CALN1: variants seen among roughly 807,000 people sequenced by gnomAD.
The protein encoded by CALN1 is calcium-binding protein 8.
CALN1 carries 17 observed loss-of-function variants against 30.6 expected under a neutral mutation model. The ratio of observed to expected loss-of-function variants is 0.56; its 90% CI spans 0.38 to 0.83. CALN1 has a LOEUF of 0.83. CALN1 is among the 40% of genes least tolerant of loss of function. CALN1 has a pLI of 0.00. For synonymous variants in CALN1, 156 were observed against 131.4 expected (o/e 1.19, Z -1.28); for missense variants, 291 against 354.9 (o/e 0.82, Z 1.45).
rs74567986 is a variant in CALN1 at position 72,180,177 on chromosome 7, A to G, written c.245-73883T>C. Among the ~76,000 whole-genome samples the G allele has an allele frequency of 4.4e-3, 666 of 152,236 alleles. 5 individuals carry two copies. Among genetic ancestry groups the G allele is most frequent in the African/African-American group, 0.015 (621 of 41,528 alleles). On this transcript the variant is annotated intron_variant, in intron 3 of 6. Transcript: ENST00000395275. ...CATTTAGTTTGTTCCTCTGTCCCTC[A>G]TATTTCCTGCAAATGGAAGTTGGCC... is the stretch of plus-strand genomic sequence containing the variant.
chr7:72,248,152 T>C (rs941050293), intron 3 of CALN1, among the ~76,000 whole-genome samples: 5 of 152,210 alleles, frequency 3.3e-5, no homozygotes, highest in African/African-American at 1.2e-4. Flanking sequence ...TTTGCTTTTG[T>C]CACCCAGGCT....
At chr7:72,296,331 G>T (rs1798852621) in intron 2 of CALN1, among the ~76,000 whole-genome samples, 1 of 138,200 alleles carries the variant, frequency 7.2e-6, no homozygotes, top group East Asian at 2.1e-4. Flanking sequence ...TCTCTTTTTT[G>T]GTTGTGTCTC....
intron 3 of CALN1, among the ~76,000 whole-genome samples, chr7:72,151,117 C>A (rs1458069959): frequency 1.3e-5 from 2 of 152,146 alleles, no homozygotes; most frequent in African/African-American, 4.8e-5. Flanking sequence ...TAACAAAGGA[C>A]CACAGGCCAG....
intron 5 of CALN1, among the ~76,000 whole-genome samples, chr7:71,907,422 G>A (rs1562889984): frequency 6.6e-6 from 1 of 152,156 alleles, no homozygotes; most frequent in East Asian, 1.9e-4. Context: ...CGTTTGCAAA[G>A]GTCAGTGATT....
intron 2 of CALN1, among the ~76,000 whole-genome samples, chr7:72,345,722 T>C (rs978068234): frequency 5.9e-5 from 9 of 152,142 alleles, no homozygotes; most frequent in South Asian, 2.1e-4. Flanking sequence ...AAATACTACA[T>C]GCATTAAGAT....
the CALN1 span, among the ~76,000 whole-genome samples, chr7:72,465,932 C>T: frequency 6.6e-6 from 1 of 152,128 alleles, no homozygotes; most frequent in Non-Finnish European, 1.5e-5. Context: ...GGGTGTGGGA[C>T]ACCCCCACCA....
At chr7:71,915,603 G>T (rs1794648903) in intron 5 of CALN1, among the ~76,000 whole-genome samples, 1 of 152,126 alleles carries the variant, frequency 6.6e-6, no homozygotes, top group South Asian at 2.1e-4. Flanking sequence ...GCATGGTGGT[G>T]CATGCCTGTA....
upstream of CALN1, among the ~76,000 whole-genome samples, chr7:72,450,195 G>A (rs1253628059): frequency 3.3e-5 from 5 of 152,162 alleles, no homozygotes; most frequent in Admixed American, 3.3e-4. Flanking sequence ...AACAGAGTAA[G>A]CTCTTGTCTT....
chr7:72,287,842 T>TCA lies in CALN1; in HGVS notation c.120-9034_120-9033dup, dbSNP rs568798021. The stretch of plus-strand genomic sequence containing the variant: ...AATGAATACCCCCATGTGTGTCTCT[T>TCA]CATATATATTTGCAGGAATTTCTCT... On this transcript the variant is annotated intron_variant, in intron 2 of 6. Transcript: ENST00000395275. 3.3e-5 allele frequency among the ~76,000 whole-genome samples: 5 copies of TCA among 152,292 alleles called. No individual in the cohort carries two copies. The South Asian group carries it at 1.0e-3, about 32-fold the overall frequency.
At chr7:72,273,794 T>C (rs1039487641) in intron 3 of CALN1, among the ~76,000 whole-genome samples, 1 of 152,106 alleles carries the variant, frequency 6.6e-6, no homozygotes, top group Admixed American at 6.5e-5. Flanking sequence ...TACATAGGCA[T>C]GAGCCACTGT....
chr7:72,168,290 T>C (rs1268389049), intron 3 of CALN1, among the ~76,000 whole-genome samples: 7 of 151,692 alleles, frequency 4.6e-5, no homozygotes, highest in East Asian at 1.9e-4. Flanking sequence ...AATATTCACA[T>C]AGACAGTCCA....
rs73133139 is a variant in CALN1 at position 72,412,110 on chromosome 7, G to A, written c.-126C>T. 12,700 of 152,442 alleles carry A rather than the reference G, an allele frequency of 0.083. 756 individuals are homozygous for A. The highest frequency in any genetic ancestry group is 0.23 in the Middle Eastern group (69 of 294). The allele number at this position is 152,442 out of a possible 1,614,324, so 9.4% of individuals were successfully genotyped here. A position where few individuals can be genotyped will look rare whatever the true frequency, so the allele number is the denominator to read the frequency against. ...GGGTTGTTGGTCTCGCCGACTTTAAGAATAAAACCACGGACCTCGCGGTGA... is the reference window on the plus strand; with the variant it reads ...GGGTTGTTGGTCTCGCCGACTTTAAAAATAAAACCACGGACCTCGCGGTGA... On this transcript the variant is annotated 5_prime_UTR_variant, in exon 1 of 7. Coordinates refer to ENST00000395275, the MANE Select transcript of CALN1 (RefSeq NM_031468.4).
chr7:72,190,161 G>C (rs1790499032), intron 3 of CALN1, among the ~76,000 whole-genome samples: 1 of 152,166 alleles, frequency 6.6e-6, no homozygotes, highest in Non-Finnish European at 1.5e-5. Context: ...TTCGAGATCA[G>C]CCTGGCCAAC....
intron 2 of CALN1, among the ~76,000 whole-genome samples, chr7:72,328,128 G>T: frequency 6.7e-6 from 1 of 148,164 alleles, no homozygotes; most frequent in Admixed American, 6.7e-5. Context: ...AAAAAAAAAT[G>T]TTTACTTTCA....
chr7:72,101,117 C>T (rs746809603), intron 4 of CALN1, among the ~76,000 whole-genome samples: 62 of 151,864 alleles, frequency 4.1e-4, no homozygotes, highest in Admixed American at 5.9e-4. Context: ...GCACATGGTA[C>T]CATGCCTGGC....
chr7:72,264,085 G>A (rs1796456052), intron 3 of CALN1, among the ~76,000 whole-genome samples: 2 of 152,258 alleles, frequency 1.3e-5, no homozygotes, highest in East Asian at 1.9e-4. Context: ...CCACACGACC[G>A]AGCCAAAACT....
At chr7:72,267,245 G>A (rs554066842) in intron 3 of CALN1, among the ~76,000 whole-genome samples, 12 of 152,248 alleles carry the variant, frequency 7.9e-5, no homozygotes, top group East Asian at 3.9e-4. Context: ...AGTAGGGGAC[G>A]GGGGACCTTC....
At chr7:71,885,059 A>G (rs1162704961) in intron 5 of CALN1, among the ~76,000 whole-genome samples, 1 of 152,240 alleles carries the variant, frequency 6.6e-6, no homozygotes, top group East Asian at 1.9e-4. Context: ...CAAATTGTCA[A>G]CCAGAAAATG....
chr7:72,232,752 A>G (rs910751286), intron 3 of CALN1, among the ~76,000 whole-genome samples: 12 of 152,154 alleles, frequency 7.9e-5, no homozygotes, highest in Non-Finnish European at 1.5e-4. Context: ...GAGCCACCAC[A>G]CCTGGCTTAA....
Sources: allele counts gnomAD v4.1 joint callset (sites outside exome capture counted in the v4.1 genomes callset), GRCh38; gene constraint gnomAD v4.1.1; transcripts MANE v1.5; gene names NCBI Gene and HGNC (gene_info 2026-07-23, HGNC 2026-07-21).